Variants in NCALD observed in about 807,000 individuals in gnomAD.
The protein encoded by NCALD is neurocalcin-delta.
Under a neutral mutation model 18.6 loss-of-function variants are expected in NCALD, and 10 were observed. The observed-to-expected ratio is 0.54, with a 90% CI of 0.33 to 0.91. The LOEUF (loss-of-function observed/expected upper bound fraction) is 0.91. NCALD is among the 40% of genes least tolerant of loss of function. The probability of loss-of-function intolerance (pLI) is 0.03; values close to 1 mark genes in which losing one functional copy is unlikely to be tolerated. For missense variants in NCALD, 184 were observed against 247.6 expected (o/e 0.74, Z 1.72); for synonymous variants, 88 against 87.4 (o/e 1.01, Z -0.04).
intron 1 of NCALD, among the ~76,000 whole-genome samples, chr8:102,120,342 A>C (rs1467832992): frequency 6.6e-6 from 1 of 152,184 alleles, no homozygotes; most frequent in East Asian, 1.9e-4. Flanking sequence ...GCCCAAGCCT[A>C]GTAACATGTG....
chr8:101,692,905 A>G lies in NCALD; in HGVS notation c.379-9T>C. Reference sequence around the variant, plus strand: ...ACCATCTTATAGATTGCCTGGGGACAGAAGCGACATGGTGGTAAGACAGAA... The same window carrying G: ...ACCATCTTATAGATTGCCTGGGGACGGAAGCGACATGGTGGTAAGACAGAA... On this transcript the variant is annotated splice_polypyrimidine_tract_variant and intron_variant, in intron 2 of 3. Coordinates refer to ENST00000220931, the MANE Select transcript of NCALD (RefSeq NM_032041.3). 2.5e-6 allele frequency: 4 copies of G among 1,595,022 alleles called. No individual in the cohort carries two copies. Among genetic ancestry groups the G allele is most frequent in the Non-Finnish European group, 3.4e-6 (4 of 1,162,698 alleles).
In NCALD at chr8:101,798,337, GA is replaced by G. The variant is rs1288890453; in HGVS notation, c.-19-78690del. 5.3e-5 allele frequency among the ~76,000 whole-genome samples: 8 copies of G among 152,262 alleles called. No homozygotes were observed. In the East Asian group the frequency reaches 1.5e-3, roughly 29 times the overall value. ...AGATCACAGGATACAAGATAAACCT[GA>G]AAATCAATTGTATTTCTCTACACTA... On this transcript the variant is annotated intron_variant, in intron 4 of 6. Transcript: ENST00000311028.
At chr8:102,002,643 CA>C (rs1821521756) in intron 2 of NCALD, among the ~76,000 whole-genome samples, 1 of 152,128 alleles carries the variant, frequency 6.6e-6, no homozygotes, top group Non-Finnish European at 1.5e-5. Context: ...CACTCCTCAG[CA>C]AATGTAAAAG....
At chr8:101,843,529 C>T (rs1037602767) in intron 4 of NCALD, among the ~76,000 whole-genome samples, 3 of 151,216 alleles carry the variant, frequency 2.0e-5, no homozygotes, top group African/African-American at 7.3e-5. Context: ...TGCAGCTTCT[C>T]TTCTTCTGTG....
intron 1 of NCALD, among the ~76,000 whole-genome samples, chr8:101,776,786 G>C (rs922672991): frequency 1.3e-5 from 2 of 152,140 alleles, no homozygotes; most frequent in African/African-American, 4.8e-5. Context: ...GACTGATGTA[G>C]GTTTTAAATC....
chr8:102,117,439 T>C (rs1376985561), intron 1 of NCALD, among the ~76,000 whole-genome samples: 2 of 152,178 alleles, frequency 1.3e-5, no homozygotes, highest in African/African-American at 2.4e-5. Flanking sequence ...TCCCAGCTAC[T>C]GTCCTCGGCA....
chr8:102,087,406 G>A (rs981476701), intron 1 of NCALD, among the ~76,000 whole-genome samples: 6 of 152,130 alleles, frequency 3.9e-5, no homozygotes, highest in African/African-American at 4.8e-5. Flanking sequence ...CTGATTGGCC[G>A]GCTTTGGGTA....
intron 2 of NCALD, among the ~76,000 whole-genome samples, chr8:101,712,587 CAAAAAAA>C (rs201729096): frequency 2.3e-3 from 182 of 78,910 alleles, no homozygotes; most frequent in African/African-American, 8.5e-3. Context: ...AAATGGAAAG[CAAAAAAA>C]AAAAAAAAAA....
chr8:102,032,640 A>G (rs1351540909), intron 1 of NCALD, among the ~76,000 whole-genome samples: 2 of 151,818 alleles, frequency 1.3e-5, no homozygotes, highest in African/African-American at 2.4e-5. Context: ...AAAAAAAAAA[A>G]AAGAGGACTG....
At chr8:102,010,830 T>G (rs1821879586) in intron 2 of NCALD, among the ~76,000 whole-genome samples, 1 of 152,236 alleles carries the variant, frequency 6.6e-6, no homozygotes, top group Non-Finnish European at 1.5e-5. Flanking sequence ...TGGGTGTTTA[T>G]ACCACATAAG....
intron 1 of NCALD, among the ~76,000 whole-genome samples, chr8:101,744,988 C>A (rs1316979347): frequency 8.6e-6 from 1 of 116,058 alleles, no homozygotes; most frequent in Non-Finnish European, 1.6e-5. Context: ...AAAGCAGTGG[C>A]TTTGAAGCAT....
intron 4 of NCALD, among the ~76,000 whole-genome samples, chr8:101,885,407 G>A (rs1816639628): frequency 6.6e-6 from 1 of 152,178 alleles, no homozygotes; most frequent in African/African-American, 2.4e-5. Context: ...GCTAAGTCAG[G>A]CCATTCTTAT....
chr8:102,005,926 T>C (rs2132046072), intron 2 of NCALD, among the ~76,000 whole-genome samples: 1 of 151,806 alleles, frequency 6.6e-6, no homozygotes, highest in South Asian at 2.1e-4. Flanking sequence ...ATATACCTAA[T>C]GTAAATGACG....
intron 1 of NCALD, among the ~76,000 whole-genome samples, chr8:102,091,029 G>A (rs144074681): frequency 3.4e-3 from 519 of 152,202 alleles, no homozygotes; most frequent in Non-Finnish European, 5.4e-3. Flanking sequence ...TTTCTAACAG[G>A]CCCAGGAGCC....
chr8:101,926,973 A>G (rs1268818142), intron 2 of NCALD, among the ~76,000 whole-genome samples: 3 of 152,194 alleles, frequency 2.0e-5, no homozygotes, highest in Non-Finnish European at 4.4e-5. Flanking sequence ...GCTAAAACAG[A>G]TGCCTGAAAC....
At chr8:101,933,936 G>T in intron 2 of NCALD, among the ~76,000 whole-genome samples, 1 of 152,142 alleles carries the variant, frequency 6.6e-6, no homozygotes, top group Non-Finnish European at 1.5e-5. Context: ...TAGTGGCTTG[G>T]ATAGGACTAG....
intron 1 of NCALD, among the ~76,000 whole-genome samples, chr8:102,027,577 G>C (rs1822505744): frequency 6.6e-6 from 1 of 152,132 alleles, no homozygotes; most frequent in African/African-American, 2.4e-5. Flanking sequence ...TATCTTCTGA[G>C]CCCTCCAAAC....
chr8:101,943,876 G>A (rs562877325), intron 2 of NCALD, among the ~76,000 whole-genome samples: 54 of 151,652 alleles, frequency 3.6e-4, no homozygotes, highest in African/African-American at 1.2e-3. Flanking sequence ...GGGAGGCGGA[G>A]GTTGCAGTGA....
At chr8:101,748,549 T>C (rs1179999807) in intron 1 of NCALD, among the ~76,000 whole-genome samples, 1 of 152,196 alleles carries the variant, frequency 6.6e-6, no homozygotes, top group Non-Finnish European at 1.5e-5. Context: ...ATGGTGGGCT[T>C]GGCTGGCCAC....
Sources: allele counts gnomAD v4.1 joint callset (sites outside exome capture counted in the v4.1 genomes callset), GRCh38; gene constraint gnomAD v4.1.1; transcripts MANE v1.5; gene names NCBI Gene and HGNC (gene_info 2026-07-23, HGNC 2026-07-21).